Variants in CATSPERE observed in about 807,000 individuals in gnomAD.
CATSPERE encodes the protein cation channel sperm-associated auxiliary subunit epsilon.
In CATSPERE, 93 loss-of-function variants were observed where a neutral mutation model predicts 114.1. The observed-to-expected ratio is 0.81, with a 90% CI of 0.69 to 0.97. The LOEUF is 0.97. CATSPERE is among the 50% of genes least tolerant of loss of function. CATSPERE has a pLI of 0.00. For synonymous variants in CATSPERE, 341 were observed against 384.1 expected (o/e 0.89, Z 1.31); for missense variants, 1,058 against 1,131.6 (o/e 0.93, Z 0.93).
At chr1:244,490,399 T>C (rs1242740427) in intron 5 of CATSPERE, 48 bp from the exon 6 acceptor site, 4 of 1,328,224 alleles carry the variant, frequency 3.0e-6, no homozygotes, top group Non-Finnish European at 4.3e-6. Flanking sequence ...TTCGACCTAA[T>C]GTTTAACAGG....
chr1:244,625,430 A>ATTTGTTTTTTTTT (rs1476267922), intron 20 of CATSPERE, among the ~76,000 whole-genome samples: 1 of 4,338 alleles, frequency 2.3e-4, no homozygotes, highest in African/African-American at 5.5e-4. Context: ...ATATATATAT[A>ATTTGTTTTTTTTT]TATTTTTTTT....
intron 19 of CATSPERE, among the ~76,000 whole-genome samples, chr1:244,616,349 A>C (rs2813908): frequency 6.6e-6 from 1 of 152,212 alleles, no homozygotes; most frequent in Admixed American, 6.5e-5. Flanking sequence ...GACTGGGAAG[A>C]TGTTCATGAA....
chr1:244,522,673 A>C (rs1352723608), intron 8 of CATSPERE, among the ~76,000 whole-genome samples: 1 of 152,236 alleles, frequency 6.6e-6, no homozygotes, highest in Non-Finnish European at 1.5e-5. Flanking sequence ...ATCCTACAGA[A>C]ATACAAACTA....
chr1:244,480,356 G>C (rs1451466457), intron 5 of CATSPERE, among the ~76,000 whole-genome samples: 2 of 152,118 alleles, frequency 1.3e-5, no homozygotes, highest in Non-Finnish European at 1.5e-5. Context: ...CATAGTCTCG[G>C]CAACATCCCA....
At chr1:244,518,494 G>A (rs1676996366) in intron 7 of CATSPERE, 98 bp from the exon 8 acceptor site, 1 of 769,300 alleles carries the variant, frequency 1.3e-6, no homozygotes, top group Admixed American at 2.3e-5. Context: ...TGTAAGCAAT[G>A]TCTTAACGAA....
At position 244,617,601 on chromosome 1, in the gene CATSPERE, A is replaced by G. The variant is rs201693195; in HGVS notation, c.2563A>G (p.Ser855Gly). Residue 855 changes from serine to glycine, a missense_variant, in exon 20 of 22, where the codon AGT becomes GGT. Ser to Gly is a moderately conservative substitution (Grantham distance 56). Around this residue, in one of 2 missense-constraint regions of CATSPERE, gnomAD observed 787 missense variants for 905.6 expected, o/e 0.87. Transcript: ENST00000366534. ...DLNQPYEIIN[S>G]SNGNHIFWPM... ...AAATCAACCATACGAGATTATCAAC[A>G]GTTCTAATGGTAACCATATATTTTG... 716 of 1,544,102 alleles carry G rather than the reference A, an allele frequency of 4.6e-4. No individual in the cohort carries two copies. Among genetic ancestry groups the G allele is most frequent in the South Asian group, 5.2e-4 (43 of 82,084 alleles).
intron 2 of CATSPERE, among the ~76,000 whole-genome samples, chr1:244,472,260 C>G (rs1479331205): frequency 6.6e-6 from 1 of 152,206 alleles, no homozygotes; most frequent in Non-Finnish European, 1.5e-5. Context: ...TGCACCTGGC[C>G]CACGACTGTT....
At position 244,621,315 on chromosome 1, in the gene CATSPERE, A is replaced by AATATATATAT. The variant is rs201672348; in HGVS notation, c.2648+3650_2648+3659dup. Among the ~76,000 whole-genome samples the AATATATATAT allele has an allele frequency of 6.1e-4, 16 of 26,320 alleles. 1 individual carries two copies. Among genetic ancestry groups the AATATATATAT allele is most frequent in the East Asian group, 1.2e-3 (1 of 806 alleles). The allele number at this position is 26,320 out of a possible 152,430, so 17.3% of individuals were successfully genotyped here. The stretch of plus-strand genomic sequence containing the variant: ...TCTATATAAATATATAAATATATAA[A>AATATATATAT]ATATATATATATATATATATATATA... On this transcript the variant is annotated intron_variant, in intron 20 of 21. Transcript: ENST00000366534.
At chr1:244,599,615 A>G (rs759095171) in intron 17 of CATSPERE, among the ~76,000 whole-genome samples, 1 of 152,230 alleles carries the variant, frequency 6.6e-6, no homozygotes, top group Non-Finnish European at 1.5e-5. Flanking sequence ...AAGTCAAAGC[A>G]CATTGCTCCA....
chr1:244,564,762 T>C (rs1428044891), intron 10 of CATSPERE, among the ~76,000 whole-genome samples: 1 of 152,228 alleles, frequency 6.6e-6, no homozygotes, highest in African/African-American at 2.4e-5. Context: ...CTGATTGCCC[T>C]AGCCAGAACT....
intron 6 of CATSPERE, among the ~76,000 whole-genome samples, chr1:244,496,725 CAAGAT>C (rs1673156216): frequency 6.6e-6 from 1 of 152,066 alleles, no homozygotes; most frequent in Admixed American, 6.6e-5. Context: ...CAGAACTAGA[CAAGAT>C]GTTTCCAGAA....
At chr1:244,587,673 C>G (rs550099531) in intron 13 of CATSPERE, among the ~76,000 whole-genome samples, 223 of 152,320 alleles carry the variant, frequency 1.5e-3, no homozygotes, top group African/African-American at 5.3e-3. Context: ...TAATAATTAG[C>G]CTGTGACCAG....
At chr1:244,503,180 C>G (rs1674336936) in intron 7 of CATSPERE, among the ~76,000 whole-genome samples, 1 of 152,128 alleles carries the variant, frequency 6.6e-6, no homozygotes, top group Non-Finnish European at 1.5e-5. Context: ...AGTAAGTAAT[C>G]CATCTTTTCT....
At chr1:244,461,879 T>G (rs749989524) in intron 1 of CATSPERE, among the ~76,000 whole-genome samples, 16 of 152,112 alleles carry the variant, frequency 1.1e-4, no homozygotes, top group East Asian at 1.9e-4. Context: ...AGTGGCGCCA[T>G]CATAGCTCCC....
intron 13 of CATSPERE, among the ~76,000 whole-genome samples, chr1:244,588,128 A>G (rs1408757031): frequency 6.7e-6 from 1 of 148,326 alleles, no homozygotes; most frequent in African/African-American, 2.5e-5. Flanking sequence ...CGGGTGGCGT[A>G]GGTTGCAGTG....
chr1:244,596,266 C>G (rs1483887795), intron 17 of CATSPERE, among the ~76,000 whole-genome samples: 2 of 152,158 alleles, frequency 1.3e-5, no homozygotes, highest in African/African-American at 2.4e-5. Context: ...CTAGAAAATT[C>G]TTGAATAGCC....
chr1:244,503,967 A>G (rs764674731), intron 7 of CATSPERE, among the ~76,000 whole-genome samples: 31 of 152,090 alleles, frequency 2.0e-4, no homozygotes, highest in Non-Finnish European at 4.3e-4. Flanking sequence ...TTTGTGTTTC[A>G]CTTTTATAGT....
chr1:244,630,471 G>A (rs867419832), intron 20 of CATSPERE, among the ~76,000 whole-genome samples: 92 of 152,228 alleles, frequency 6.0e-4, no homozygotes, highest in African/African-American at 2.2e-3. Context: ...TGCTGGGGGT[G>A]GTATGGATTT....
chr1:244,451,901 CATG>C, upstream of CATSPERE: 1 of 1,358,242 alleles, frequency 7.4e-7, no homozygotes, highest in South Asian at 1.5e-5. This position sits in a 1 kb window ranked among gnomAD's most constrained non-coding sequence, Gnocchi z 6.6. Flanking sequence ...CCGCCAGCCA[CATG>C]CAGAGGAAGA....
Sources: allele counts gnomAD v4.1 joint callset (sites outside exome capture counted in the v4.1 genomes callset), GRCh38; gene constraint gnomAD v4.1.1; regional missense constraint gnomAD v4.1.1; non-coding constraint Gnocchi (gnomAD v3.1); transcripts MANE v1.5; gene names NCBI Gene and HGNC (gene_info 2026-07-23, HGNC 2026-07-21).